Variants in HPSE2 observed in about 807,000 individuals in gnomAD.
HPSE2 encodes heparanase 2 (inactive).
Under a neutral mutation model 60.5 loss-of-function variants are expected in HPSE2, and 38 were observed. The ratio of observed to expected loss-of-function variants is 0.63; its 90% CI spans 0.48 to 0.82. The LOEUF is 0.82. Among genes scored for constraint, HPSE2 ranks in the 40% least tolerant of loss-of-function variants. The probability of loss-of-function intolerance (pLI) is 0.00; values close to 1 mark genes in which losing one functional copy is unlikely to be tolerated. For synonymous variants in HPSE2, 295 were observed against 293.2 expected (o/e 1.01, Z -0.06); for missense variants, 713 against 740.4 (o/e 0.96, Z 0.43).
At chr10:99,155,965 T>C (rs1283596596) in intron 2 of HPSE2, among the ~76,000 whole-genome samples, 1 of 151,584 alleles carries the variant, frequency 6.6e-6, no homozygotes, top group Admixed American at 6.6e-5. Flanking sequence ...GAGAATACTA[T>C]AAACACCTCT....
the HPSE2 span, among the ~76,000 whole-genome samples, chr10:99,275,898 G>A: frequency 6.6e-6 from 1 of 152,160 alleles, no homozygotes; most frequent in Non-Finnish European, 1.5e-5. Context: ...ATTACATGAA[G>A]GGGTGGGTGT....
chr10:98,542,448 C>T (rs1230730388), intron 9 of HPSE2, among the ~76,000 whole-genome samples: 1 of 152,128 alleles, frequency 6.6e-6, no homozygotes, highest in African/African-American at 2.4e-5. Flanking sequence ...AACGCAGTTC[C>T]TCACCAGCAA....
intron 3 of HPSE2, among the ~76,000 whole-genome samples, chr10:98,846,735 A>G (rs1952044090): frequency 6.6e-6 from 1 of 152,134 alleles, no homozygotes; most frequent in Non-Finnish European, 1.5e-5. Flanking sequence ...GCTATGACAC[A>G]TTGTTTTCTC....
chr10:98,913,664 A>C (rs1300425041), intron 3 of HPSE2, among the ~76,000 whole-genome samples: 1 of 152,184 alleles, frequency 6.6e-6, no homozygotes, highest in Admixed American at 6.5e-5. Flanking sequence ...AGCAGCCCAA[A>C]TGCCACTGAA....
At chr10:98,670,461 T>G (rs1335507209) in intron 6 of HPSE2, among the ~76,000 whole-genome samples, 1 of 152,226 alleles carries the variant, frequency 6.6e-6, no homozygotes, top group Non-Finnish European at 1.5e-5. Flanking sequence ...TATTTGCATT[T>G]ATATTGTTAC....
intron 3 of HPSE2, among the ~76,000 whole-genome samples, chr10:98,977,518 A>G (rs78115869): frequency 0.013 from 1,915 of 152,298 alleles, 16 homozygotes; most frequent in Admixed American, 0.021. Flanking sequence ...CTTGTAATCA[A>G]TAACAGTGGG....
chr10:98,639,311 G>C (rs563264433), intron 7 of HPSE2, among the ~76,000 whole-genome samples: 1 of 152,246 alleles, frequency 6.6e-6, no homozygotes, highest in East Asian at 1.9e-4. Context: ...CAATGCATTG[G>C]CTTAATAAAT....
rs1174599782 is a variant in HPSE2, at chr10:98,931,835, T to G, written c.611-187779A>C. On this transcript the variant is annotated intron_variant, in intron 3 of 11. Transcript: ENST00000370552. Reference sequence around the variant, plus strand: ...TTGATTTTATATCCTGAGACTTTGCTAAAGTTGCATATCAGCTTAAGAACC... The same window carrying G: ...TTGATTTTATATCCTGAGACTTTGCGAAAGTTGCATATCAGCTTAAGAACC... Among the ~76,000 whole-genome samples the G allele has an allele frequency of 1.4e-5, 2 of 144,176 alleles. 1 individual carries two copies. The highest frequency in any genetic ancestry group is 1.4e-4 in the Admixed American group (2 of 14,484). The allele number at this position is 144,176 out of a possible 152,430, so 94.6% of individuals were successfully genotyped here.
At chr10:98,500,564 T>C (rs984156423) in intron 9 of HPSE2, among the ~76,000 whole-genome samples, 2 of 152,012 alleles carry the variant, frequency 1.3e-5, no homozygotes, top group African/African-American at 4.8e-5. Flanking sequence ...ATGCCTACAT[T>C]GAAAAGACTG....
At chr10:98,824,261 C>T (rs535736061) in intron 3 of HPSE2, among the ~76,000 whole-genome samples, 5 of 152,072 alleles carry the variant, frequency 3.3e-5, no homozygotes, top group South Asian at 2.1e-4. Flanking sequence ...GGTTAGTGAG[C>T]GGGGGTGGTC....
intron 3 of HPSE2, among the ~76,000 whole-genome samples, chr10:99,028,749 A>G (rs999322207): frequency 6.6e-6 from 1 of 152,236 alleles, no homozygotes; most frequent in Non-Finnish European, 1.5e-5. Context: ...ACAGTGATAC[A>G]GTAACCAAAA....
At chr10:98,483,333 A>T (rs779961633) in intron 10 of HPSE2, among the ~76,000 whole-genome samples, 11 of 152,164 alleles carry the variant, frequency 7.2e-5, no homozygotes, top group East Asian at 3.8e-4. Context: ...TTCTTTTTCT[A>T]CTTGTAGAAG....
intron 3 of HPSE2, among the ~76,000 whole-genome samples, chr10:98,854,204 C>G (rs578119284): frequency 6.6e-6 from 1 of 152,216 alleles, no homozygotes; most frequent in Non-Finnish European, 1.5e-5. Context: ...TTCACACGCA[C>G]TTTGCATCGT....
chr10:98,840,009 A>G (rs1951874186), intron 3 of HPSE2, among the ~76,000 whole-genome samples: 1 of 152,156 alleles, frequency 6.6e-6, no homozygotes. Context: ...ATTTAATTGG[A>G]TTTTTCTTTT....
chr10:98,991,809 T>C (rs918517964), intron 3 of HPSE2, among the ~76,000 whole-genome samples: 2 of 152,078 alleles, frequency 1.3e-5, no homozygotes, highest in Admixed American at 1.3e-4. Flanking sequence ...TATTTTGGGT[T>C]AATGATCATG....
At chr10:98,564,888 T>C (rs1396668188) in intron 9 of HPSE2, among the ~76,000 whole-genome samples, 2 of 152,136 alleles carry the variant, frequency 1.3e-5, no homozygotes, top group Non-Finnish European at 2.9e-5. Flanking sequence ...CTGGGGTGAC[T>C]CTACAATTTA....
the HPSE2 span, among the ~76,000 whole-genome samples, chr10:99,281,808 T>C: frequency 6.6e-6 from 1 of 152,114 alleles, no homozygotes; most frequent in Non-Finnish European, 1.5e-5. Flanking sequence ...ATTCTAAATA[T>C]ACCAGAAAGG....
At chr10:99,212,639 C>G (rs1480248065) in intron 2 of HPSE2, among the ~76,000 whole-genome samples, 2 of 151,950 alleles carry the variant, frequency 1.3e-5, no homozygotes, top group African/African-American at 4.8e-5. Flanking sequence ...TATTGTGGGG[C>G]AGAGGGTTGG....
chr10:98,516,913 A>C (rs995011363), intron 9 of HPSE2, among the ~76,000 whole-genome samples: 1 of 152,214 alleles, frequency 6.6e-6, no homozygotes, highest in African/African-American at 2.4e-5. Context: ...CTCAATTTTA[A>C]GCTGGAATTC....
Sources: gnomAD v4.1 joint callset for allele counts (sites outside exome capture counted in the v4.1 genomes callset) on GRCh38, gnomAD v4.1.1 for gene constraint, MANE v1.5 for transcripts, NCBI Gene and HGNC (gene_info 2026-07-23, HGNC 2026-07-21) for gene names.